CFB: variants seen among roughly 807,000 people sequenced by gnomAD.
The protein encoded by CFB is complement factor B, also known as B-factor, properdin.
A neutral mutation model predicts 97.2 loss-of-function variants in CFB; 59 were observed. That is an observed-to-expected ratio of 0.61 (90% CI 0.49 to 0.75). The LOEUF is 0.75. Among genes scored for constraint, CFB ranks in the 30% least tolerant of loss-of-function variants. The probability of loss-of-function intolerance (pLI) is 0.00; values close to 1 mark genes in which losing one functional copy is unlikely to be tolerated. For missense variants in CFB, 771 were observed against 959.8 expected (o/e 0.80, Z 2.60); for synonymous variants, 316 against 351.7 (o/e 0.90, Z 1.14).
Position 31,949,325 on chromosome 6 carries a change from C to A in CFB, c.1251C>A (p.Asn417Lys). ...TATACATTGGCAAGGATCGCAAAAACCCAAGGGAGGATTATCTGGGTGAGT... is the reference window on the plus strand; with the variant it reads ...TATACATTGGCAAGGATCGCAAAAAACCAAGGGAGGATTATCTGGGTGAGT... ...DLLYIGKDRK[N>K]PREDYLDVYV... The change falls in exon 9 of 18, where the codon AAC becomes AAA. Residue 417 changes from asparagine to lysine, a missense_variant. By Grantham distance (94) the Asn-to-Lys change is moderately conservative. Transcript: ENST00000425368. 6.2e-7 allele frequency: 1 copy of A among 1,614,140 alleles called. No homozygotes were observed. Among genetic ancestry groups the A allele is most frequent in the South Asian group, 1.1e-5 (1 of 91,080 alleles).
At position 31,946,778 on chromosome 6, in the gene CFB, C is replaced by T. The variant is rs1270044411; in HGVS notation, c.298+172C>T. On this transcript the variant is annotated intron_variant, in intron 2 of 17. Transcript: ENST00000425368. This position sits in a 1 kb window ranked among gnomAD's most constrained non-coding sequence, Gnocchi z 6.4. ...CAAGAAAAAGCGGAGTTAACCCTTA[C>T]TAAGCATTTACCCTGGGCTTCCAGG... 3.8e-6 allele frequency: 3 copies of T among 797,604 alleles called. No individual in the cohort carries two copies. The highest frequency in any genetic ancestry group is 6.3e-6 in the Non-Finnish European group (3 of 474,490). 49.4% of individuals were successfully genotyped at this position (797,604 alleles called of 1,614,324 possible). A position where few individuals can be genotyped will look rare whatever the true frequency, so the allele number is the denominator to read the frequency against.
At position 31,947,603 on chromosome 6, in the gene CFB, C is replaced by T. The variant is rs1013907432; in HGVS notation, c.658+82C>T. On this transcript the variant is annotated intron_variant, in intron 4 of 17. Coordinates refer to ENST00000425368, the MANE Select transcript of CFB (RefSeq NM_001710.6). This position sits in a 1 kb window ranked among gnomAD's most constrained non-coding sequence, Gnocchi z 5.3. ...TCTCCCCACCTCAACCCTGCTCTTT[C>T]CTCACTTTGTTTAAACCTCCCTGTA... 6.3e-7 allele frequency: 1 copy of T among 1,599,080 alleles called. No homozygotes were observed. The highest frequency in any genetic ancestry group is 8.6e-7 in the Non-Finnish European group (1 of 1,167,834).
intron 7 of CFB, 96 bp from the exon 8 acceptor site, chr6:31,948,734 G>T (rs1446515480): frequency 1.2e-6 from 2 of 1,600,708 alleles, no homozygotes; most frequent in East Asian, 2.2e-5. Context: ...AACTTAAAAA[G>T]TTGAAAGATG....
Position 31,946,528 on chromosome 6 carries a change from C to T in CFB, c.220C>T (p.Arg74Cys), listed in dbSNP as rs760926358. 7.4e-6 allele frequency: 12 copies of T among 1,612,912 alleles called. No individual in the cohort carries two copies. The highest frequency in any genetic ancestry group is 4.0e-5 in the African/African-American group (3 of 74,914). ...SGFYPYPVQT[R>C]TCRSTGSWST... is the part of the protein sequence containing the mutation. Reference sequence around the variant, plus strand: ...CTTCTACCCGTACCCTGTGCAGACACGTACCTGCAGATCTACGGGGTCCTG... The same window carrying T: ...CTTCTACCCGTACCCTGTGCAGACATGTACCTGCAGATCTACGGGGTCCTG... The change falls in exon 2 of 18, where the codon CGT becomes TGT. Residue 74 changes from arginine to cysteine, a missense_variant. Coordinates refer to ENST00000425368, the MANE Select transcript of CFB (RefSeq NM_001710.6). The surrounding 1 kb of genome is among the most constrained non-coding windows in gnomAD (Gnocchi z 6.4).
intron 8 of CFB, 38 bp from the exon 9 acceptor site, chr6:31,949,201 TCTTC>T (rs1266579411): frequency 4.0e-5 from 64 of 1,604,240 alleles, no homozygotes; most frequent in Non-Finnish European, 5.0e-5. Flanking sequence ...AGCCAGTTTA[TCTTC>T]CTTATCTCCT....
chr6:31,947,868 G>A lies in CFB; in HGVS notation c.760+25G>A. Reference sequence around the variant, plus strand: ...GGTTTGAAGACAGAGAAGGGAGGCAGGGCAGGGAACTGGGGGAAAATGGAG... The same window carrying A: ...GGTTTGAAGACAGAGAAGGGAGGCAAGGCAGGGAACTGGGGGAAAATGGAG... On this transcript the variant is annotated intron_variant, in intron 5 of 17. Transcript: ENST00000425368. The surrounding 1 kb of genome is among the most constrained non-coding windows in gnomAD (Gnocchi z 5.3). 1 of 1,614,090 alleles carries A rather than the reference G, an allele frequency of 6.2e-7. No homozygotes were observed. Among genetic ancestry groups the A allele is most frequent in the Non-Finnish European group, 8.5e-7 (1 of 1,180,002 alleles).
chr6:31,946,611 G>T lies in CFB; in HGVS notation c.298+5G>T. The T allele has an allele frequency of 3.1e-6, 5 of 1,605,488 alleles. No homozygotes were observed. The highest frequency in any genetic ancestry group is 4.2e-6 in the Non-Finnish European group (5 of 1,179,580). ...TCAGGAAGGCAGAGTGCAGAGGTTT[G>T]AGGGCAATGAGTGTGGGCAGTGGCC... is the stretch of plus-strand genomic sequence containing the variant. On this transcript the variant is annotated splice_donor_5th_base_variant and intron_variant, in intron 2 of 17. Transcript: ENST00000425368. This position sits in a 1 kb window ranked among gnomAD's most constrained non-coding sequence, Gnocchi z 6.4.
Position 31,947,280 on chromosome 6 carries a change from C to T in CFB, c.485-68C>T. 1 of 1,611,626 alleles carries T rather than the reference C, an allele frequency of 6.2e-7. No individual in the cohort carries two copies. On this transcript the variant is annotated intron_variant, in intron 3 of 17. Transcript: ENST00000425368. The surrounding 1 kb of genome is among the most constrained non-coding windows in gnomAD (Gnocchi z 5.3). Reference sequence around the variant, plus strand: ...GCACTCGGCTCCGGACACTGTAACTCTTGCTCTCTACCTTGCTCACGGGGC... The same window carrying T: ...GCACTCGGCTCCGGACACTGTAACTTTTGCTCTCTACCTTGCTCACGGGGC...
rs999403209 is a variant in CFB, at chr6:31,949,501, A to G, written c.1352A>G (p.His451Arg). The change falls in exon 10 of 18, where the codon CAT (histidine) becomes CGT (arginine). Residue 451 changes from histidine (H) to arginine (R), a missense_variant. Physicochemically the swap from His to Arg is conservative, Grantham distance 29 (BLOSUM62 0). Transcript: ENST00000425368. ...GCTTCCAAGAAAGACAATGAGCAAC[A>G]TGTGTTCAAAGTCAAGGATATGGAA... Reference protein sequence around the residue: ...ALASKKDNEQHVFKVKDMENL... With the variant: ...ALASKKDNEQRVFKVKDMENL... The G allele has an allele frequency of 3.1e-6, 5 of 1,613,768 alleles. No individual in the cohort carries two copies. The highest frequency in any genetic ancestry group is 3.4e-6 in the Non-Finnish European group (4 of 1,180,052).
In CFB at chr6:31,947,814, G is replaced by T; in HGVS notation, c.731G>T (p.Gly244Val). The T allele has an allele frequency of 6.2e-7, 1 of 1,613,792 alleles. No individual in the cohort carries two copies. The highest frequency in any genetic ancestry group is 8.5e-7 in the Non-Finnish European group (1 of 1,180,040). ...TCTTCCCTGACAGAGACCATAGAAGGAGTCGATGCTGAGGATGGGCACGGC... is the reference window on the plus strand; with the variant it reads ...TCTTCCCTGACAGAGACCATAGAAGTAGTCGATGCTGAGGATGGGCACGGC... ...FLSSLTETIEGVDAEDGHGPG... is the reference protein window; with the variant it reads ...FLSSLTETIEVVDAEDGHGPG... Residue 244 changes from glycine (G) to valine (V), a missense_variant, in exon 5 of 18, where the codon GGA becomes GTA. Coordinates refer to ENST00000425368, the MANE Select transcript of CFB (RefSeq NM_001710.6). The surrounding 1 kb of genome is among the most constrained non-coding windows in gnomAD (Gnocchi z 5.3).
At position 31,947,412 on chromosome 6, in the gene CFB, T is replaced by C. The variant is rs372858061; in HGVS notation, c.549T>C (p.Leu183=). Residue 183 remains leucine, a synonymous_variant, in exon 4 of 18, where the codon CTT becomes CTC. Transcript: ENST00000425368. The surrounding 1 kb of genome is among the most constrained non-coding windows in gnomAD (Gnocchi z 5.3). ...GGAAGGTGGGCAGCCAGTACCGCCTTGAAGACAGCGTCACCTACCACTGCA... is the reference window on the plus strand; with the variant it reads ...GGAAGGTGGGCAGCCAGTACCGCCTCGAAGACAGCGTCACCTACCACTGCA... The part of the protein sequence containing the change: ...GTRKVGSQYR[L]EDSVTYHCSR... 43 of 1,612,896 alleles carry C rather than the reference T, an allele frequency of 2.7e-5. No homozygotes were observed. The African/African-American group carries it at 5.5e-4, about 21-fold the overall frequency.
At chr6:31,949,115 T>G in intron 8 of CFB, 128 bp from the exon 9 acceptor site, 1 of 1,426,540 alleles carries the variant, frequency 7.0e-7, no homozygotes, top group Non-Finnish European at 9.7e-7. Context: ...CATAAGGAAT[T>G]CTTCCTAAGC....
rs200274027 is a variant in CFB, at chr6:31,946,428, G to A, written c.120G>A (p.Glu40=). The A allele has an allele frequency of 6.2e-7, 1 of 1,613,078 alleles. No homozygotes were observed. The highest frequency in any genetic ancestry group is 8.5e-7 in the Non-Finnish European group (1 of 1,180,028). Residue 40 remains glutamate, a synonymous_variant, in exon 2 of 18, where the codon GAG becomes GAA. Coordinates refer to ENST00000425368, the MANE Select transcript of CFB (RefSeq NM_001710.6). The surrounding 1 kb of genome is among the most constrained non-coding windows in gnomAD (Gnocchi z 6.4). The part of the protein sequence containing the change: ...LARPQGSCSL[E]GVEIKGGSFR... ...GGCCCCAGGGATCCTGCTCTCTGGA[G>A]GGGGTAGAGATCAAAGGCGGCTCCT...
chr6:31,951,878 G>A lies in CFB; in HGVS notation c.2143G>A (p.Gly715Ser). The A allele has an allele frequency of 6.2e-7, 1 of 1,613,178 alleles. No homozygotes were observed. The highest frequency in any genetic ancestry group is 8.5e-7 in the Non-Finnish European group (1 of 1,180,042). Reference protein sequence around the residue: ...VHKRSRFIQVGVISWGVVDVC... With the variant: ...VHKRSRFIQVSVISWGVVDVC... The stretch of plus-strand genomic sequence containing the variant: ...TGGCACCCCACTGCCTCTGCAGGTT[G>A]GTGTAATCAGCTGGGGAGTAGTGGA... Residue 715 changes from glycine to serine, a missense_variant, in exon 18 of 18, where the codon GGT becomes AGT. Coordinates refer to ENST00000425368, the MANE Select transcript of CFB (RefSeq NM_001710.6). The surrounding 1 kb of genome is among the most constrained non-coding windows in gnomAD (Gnocchi z 4.3).
chr6:31,950,400 G>A lies in CFB; in HGVS notation c.1621G>A (p.Val541Ile), dbSNP rs868465128. ...DDKEHSIKVS[V>I]GGEKRDLEIE... is the part of the protein sequence containing the mutation. ...CAAGGAACACTCAATCAAGGTCAGCGTAGGTAAGGATGCAACTGAAGGTCC... is the reference window on the plus strand; with the variant it reads ...CAAGGAACACTCAATCAAGGTCAGCATAGGTAAGGATGCAACTGAAGGTCC... The change falls in exon 12 of 18, where the codon GTA becomes ATA. Residue 541 changes from valine to isoleucine, a missense_variant. Val to Ile is a conservative substitution (Grantham distance 29). Coordinates refer to ENST00000425368, the MANE Select transcript of CFB (RefSeq NM_001710.6). 8 of 1,612,076 alleles carry A rather than the reference G, an allele frequency of 5.0e-6. No homozygotes were observed. In the African/African-American group the frequency reaches 5.3e-5, roughly 11 times the overall value.
intron 8 of CFB, 43 bp from the exon 9 acceptor site, chr6:31,949,200 A>G: frequency 6.2e-7 from 1 of 1,603,142 alleles, no homozygotes; most frequent in African/African-American, 1.3e-5. Context: ...TAGCCAGTTT[A>G]TCTTCCTTAT....
chr6:31,951,375 C>T lies in CFB; in HGVS notation c.1991C>T (p.Pro664Leu). ...TGTGAGAGAGATGCTCAATATGCCC[C>T]AGGCTATGACAAAGTCAAGGACATC... Reference protein sequence around the residue: ...GSCERDAQYAPGYDKVKDISE... With the variant: ...GSCERDAQYALGYDKVKDISE... Residue 664 changes from proline to leucine, a missense_variant, in exon 16 of 18, where the codon CCA becomes CTA. By Grantham distance (98) the Pro-to-Leu change is moderately conservative. Transcript: ENST00000425368. The surrounding 1 kb of genome is among the most constrained non-coding windows in gnomAD (Gnocchi z 4.3). 1 of 1,614,172 alleles carries T rather than the reference C, an allele frequency of 6.2e-7. No individual in the cohort carries two copies. The highest frequency in any genetic ancestry group is 8.5e-7 in the Non-Finnish European group (1 of 1,180,026).
In CFB at chr6:31,951,306, T is replaced by G. The variant is rs747404399; in HGVS notation, c.1957-35T>G. On this transcript the variant is annotated intron_variant, in intron 15 of 17. Coordinates refer to ENST00000425368, the MANE Select transcript of CFB (RefSeq NM_001710.6). The surrounding 1 kb of genome is among the most constrained non-coding windows in gnomAD (Gnocchi z 4.3). ...CCAATCCTTCCTAAGCCACTTCTGT[T>G]CATTACTTCTCCATGCTTCCCACCT... 2 of 1,614,004 alleles carry G rather than the reference T, an allele frequency of 1.2e-6. No homozygotes were observed. Among genetic ancestry groups the G allele is most frequent in the East Asian group, 4.5e-5 (2 of 44,886 alleles).
At position 31,946,152 on chromosome 6, in the gene CFB, C is replaced by A; in HGVS notation, c.-70C>A. 1 of 1,529,334 alleles carries A rather than the reference C, an allele frequency of 6.5e-7. No homozygotes were observed. The highest frequency in any genetic ancestry group is 9.1e-7 in the Non-Finnish European group (1 of 1,104,264). 94.7% of individuals were successfully genotyped at this position (1,529,334 alleles called of 1,614,324 possible). On this transcript the variant is annotated 5_prime_UTR_variant, in exon 1 of 18. Transcript: ENST00000425368. This position sits in a 1 kb window ranked among gnomAD's most constrained non-coding sequence, Gnocchi z 6.4. The stretch of plus-strand genomic sequence containing the variant: ...GTTTCAGCTTGGACACTGAGCCAAG[C>A]AGACAAGCAAAGCAAGCCAGGACAC...
Sources: allele counts gnomAD v4.1 joint callset, GRCh38; gene constraint gnomAD v4.1.1; non-coding constraint Gnocchi (gnomAD v3.1); transcripts MANE v1.5; gene names NCBI Gene and HGNC (gene_info 2026-07-23, HGNC 2026-07-21).